Variants in CLN8 observed in about 807,000 individuals in gnomAD.
CLN8 encodes the protein protein CLN8.
Under a neutral mutation model 15.7 loss-of-function variants are expected in CLN8, and 14 were observed. The ratio of observed to expected loss-of-function variants is 0.89; its 90% CI spans 0.59 to 1.39. CLN8 has a LOEUF of 1.39. Ranked by LOEUF, CLN8 falls within the 40% of genes most tolerant of loss-of-function variation. CLN8 has a pLI of 0.00. For synonymous variants in CLN8, 188 were observed against 151.0 expected, an observed-to-expected ratio of 1.25 and a Z score of -1.80; for missense variants, 415 against 364.0, an observed-to-expected ratio of 1.14 and a Z score of -1.14.
Position 1,771,122 on chromosome 8 carries a change from T to A in CLN8, c.68T>A (p.Ile23Asn). Residue 23 changes from isoleucine to asparagine, a missense_variant, in exon 2 of 3, where the codon ATC (isoleucine) becomes AAC (asparagine). Physicochemically the swap from Ile to Asn is moderately radical, Grantham distance 149 (BLOSUM62 -3). Coordinates refer to ENST00000331222, the MANE Select transcript of CLN8 (RefSeq NM_018941.4). ...IFDLDYASWG[I>N]RSTLMVAGFV... Reference sequence around the variant, plus strand: ...GACCTGGACTATGCATCCTGGGGGATCCGCTCCACGCTGATGGTCGCTGGC... The same window carrying A: ...GACCTGGACTATGCATCCTGGGGGAACCGCTCCACGCTGATGGTCGCTGGC... 1.2e-6 allele frequency: 2 copies of A among 1,614,024 alleles called. No homozygotes were observed. Among genetic ancestry groups the A allele is most frequent in the African/African-American group, 1.3e-5 (1 of 75,010 alleles).
At chr8:1,773,346 C>T (rs749739337) in intron 2 of CLN8, among the ~76,000 whole-genome samples, 25 of 152,060 alleles carry the variant, frequency 1.6e-4, no homozygotes, top group Non-Finnish European at 3.4e-4. Flanking sequence ...CTATGGCAGG[C>T]GATACTGGAG....
rs529972989 is a variant in CLN8 at position 1,773,007 on chromosome 8, A to G, written c.543+1410A>G. The G allele has an allele frequency of 1.2e-4, 48 of 398,574 alleles. 2 individuals are homozygous for G. In the South Asian group the frequency reaches 4.2e-3, roughly 35 times the overall value. The allele number at this position is 398,574 out of a possible 1,614,324, so 24.7% of individuals were successfully genotyped here. On this transcript the variant is annotated intron_variant, in intron 2 of 2. Coordinates refer to ENST00000331222, the MANE Select transcript of CLN8 (RefSeq NM_018941.4). Reference sequence around the variant, plus strand: ...CGAGGTGGGTAGATGATATCAGTCCATCAAAAGTGCACTGCAGTGTAAACA... The same window carrying G: ...CGAGGTGGGTAGATGATATCAGTCCGTCAAAAGTGCACTGCAGTGTAAACA...
chr8:1,767,402 C>T (rs970182472), intron 1 of CLN8, among the ~76,000 whole-genome samples: 1 of 152,076 alleles, frequency 6.6e-6, no homozygotes, highest in Non-Finnish European at 1.5e-5. Context: ...ATGTCTTTCA[C>T]CTATCTGCCA....
intron 2 of CLN8, among the ~76,000 whole-genome samples, chr8:1,777,373 G>A (rs1801561593): frequency 1.3e-5 from 2 of 152,152 alleles, no homozygotes; most frequent in Admixed American, 6.5e-5. Context: ...GGCCTAGAAC[G>A]TCACTGTACT....
chr8:1,779,056 C>G (rs1801621625), intron 2 of CLN8, among the ~76,000 whole-genome samples: 3 of 152,132 alleles, frequency 2.0e-5, no homozygotes, highest in African/African-American at 7.2e-5. Flanking sequence ...AGTGAATGCT[C>G]TACTGAAAGT....
intron 1 of CLN8, among the ~76,000 whole-genome samples, chr8:1,765,818 A>G (rs1393085566): frequency 6.6e-6 from 1 of 152,242 alleles, no homozygotes; most frequent in African/African-American, 2.4e-5. Context: ...TGCGTGACCC[A>G]CAATCAGTGG....
rs1457139428 is a variant in CLN8, at chr8:1,780,360, C to G, written c.654C>G (p.His218Gln). 1.2e-6 allele frequency: 2 copies of G among 1,614,270 alleles called. No homozygotes were observed. Among genetic ancestry groups the G allele is most frequent in the Non-Finnish European group, 1.7e-6 (2 of 1,180,054 alleles). The change falls in exon 3 of 3, where the codon CAC becomes CAG. Residue 218 changes from histidine (H) to glutamine (Q), a missense_variant. By Grantham distance (24) the His-to-Gln change is conservative. Coordinates refer to ENST00000331222, the MANE Select transcript of CLN8 (RefSeq NM_018941.4). The stretch of plus-strand genomic sequence containing the variant: ...ACATGTGGTGGGTGTGTTTCTGGCA[C>G]TGGGACGGCCTGGTCAGCAGCCTGT... ...TYHMWWVCFW[H>Q]WDGLVSSLYL...
upstream of CLN8, among the ~76,000 whole-genome samples, chr8:1,753,633 T>TA (rs550251090): frequency 1.6e-5 from 1 of 63,914 alleles, no homozygotes. Flanking sequence ...ACACCTGTAA[T>TA]CCCACACTTT....
Position 1,784,229 on chromosome 8 carries a change from G to T in CLN8, c.*3662G>T. The T allele has an allele frequency of 6.6e-6, 1 of 152,154 alleles. No homozygotes were observed. 9.4% of individuals were successfully genotyped at this position (152,154 alleles called of 1,614,324 possible). ...GAACCTGGGAGGCAGAGATTGCAGT[G>T]AGCCGAGATCACGCCATTGCACTCC... On this transcript the variant is annotated 3_prime_UTR_variant, in exon 3 of 3. Transcript: ENST00000331222.
chr8:1,772,853 A>C (rs1801368923), intron 2 of CLN8: 1 of 398,012 alleles, frequency 2.5e-6, no homozygotes, highest in African/African-American at 2.1e-5. Flanking sequence ...TTTGATATGA[A>C]ATTTGAGATC....
At chr8:1,754,989 C>G (rs535828390), upstream of CLN8, among the ~76,000 whole-genome samples, 1 of 152,192 alleles carries the variant, frequency 6.6e-6, no homozygotes, top group African/African-American at 2.4e-5. Context: ...TGCTGCTGGT[C>G]TTGTGATATC....
At chr8:1,774,017 T>A (rs1801416426) in intron 2 of CLN8, 1 of 152,218 alleles carries the variant, frequency 6.6e-6, no homozygotes, top group South Asian at 2.1e-4. Flanking sequence ...TACAAGTTCT[T>A]TAAAAACAAC....
chr8:1,777,501 A>G (rs1474541682), intron 2 of CLN8, among the ~76,000 whole-genome samples: 3 of 152,222 alleles, frequency 2.0e-5, no homozygotes, highest in Admixed American at 6.5e-5. Flanking sequence ...TAAATTTTTA[A>G]TTTTTTAAAC....
Position 1,780,899 on chromosome 8 carries a change from A to G in CLN8, c.*332A>G, listed in dbSNP as rs908236187. Reference sequence around the variant, plus strand: ...CTTTGAATGCTGGAAATGGCTTCATAGTGAAGTGCCTCCCACAGGGCGGGT... The same window carrying G: ...CTTTGAATGCTGGAAATGGCTTCATGGTGAAGTGCCTCCCACAGGGCGGGT... On this transcript the variant is annotated 3_prime_UTR_variant, in exon 3 of 3. Transcript: ENST00000331222. The G allele has an allele frequency of 9.5e-6, 4 of 419,140 alleles. No individual in the cohort carries two copies. The highest frequency in any genetic ancestry group is 8.1e-5 in the Admixed American group (2 of 24,754). The allele number at this position is 419,140 out of a possible 1,614,324, so 26.0% of individuals were successfully genotyped here. A position where few individuals can be genotyped will look rare whatever the true frequency, so the allele number is the denominator to read the frequency against.
chr8:1,762,710 G>A (rs1800829978), upstream of CLN8: 1 of 152,214 alleles, frequency 6.6e-6, no homozygotes, highest in African/African-American at 2.4e-5. Flanking sequence ...ACAGTCCTGA[G>A]GGGGAGATAA....
In CLN8 at chr8:1,771,437, T is replaced by C; in HGVS notation, c.383T>C (p.Phe128Ser). 1.9e-6 allele frequency: 3 copies of C among 1,614,226 alleles called. No homozygotes were observed. The highest frequency in any genetic ancestry group is 2.5e-6 in the Non-Finnish European group (3 of 1,180,040). Residue 128 changes from phenylalanine (F) to serine (S), a missense_variant, in exon 2 of 3, where the codon TTC (phenylalanine) becomes TCC (serine). Phe to Ser is a radical substitution (Grantham distance 155). Coordinates refer to ENST00000331222, the MANE Select transcript of CLN8 (RefSeq NM_018941.4). ...GCAGTCCACCTGTCCAACTTGATCT[T>C]CCGGACATTTGACTTGTTTCTGGTT... Reference protein sequence around the residue: ...NVAVHLSNLIFRTFDLFLVIH... With the variant: ...NVAVHLSNLISRTFDLFLVIH...
At chr8:1,758,856 C>G (rs1800729224), upstream of CLN8, 1 of 152,082 alleles carries the variant, frequency 6.6e-6, no homozygotes, top group Admixed American at 6.5e-5. Context: ...CTTATTGGAC[C>G]TAAAAGAGGT....
At chr8:1,756,666 T>C (rs965022564) in intron 1 of CLN8, among the ~76,000 whole-genome samples, 1 of 151,092 alleles carries the variant, frequency 6.6e-6, no homozygotes, top group Admixed American at 6.6e-5. Flanking sequence ...TCTCTAGGTA[T>C]GAATTAAGCA....
intron 1 of CLN8, among the ~76,000 whole-genome samples, chr8:1,769,089 A>T (rs1801198149): frequency 6.6e-6 from 1 of 152,162 alleles, no homozygotes; most frequent in African/African-American, 2.4e-5. Flanking sequence ...CTTTCCCCAC[A>T]TCAGATTTGT....
Sources: allele counts gnomAD v4.1 joint callset (sites outside exome capture counted in the v4.1 genomes callset), GRCh38; gene constraint gnomAD v4.1.1; transcripts MANE v1.5; gene names NCBI Gene and HGNC (gene_info 2026-07-23, HGNC 2026-07-21).